Variants in CFAP46 observed in about 807,000 individuals in gnomAD.
The protein encoded by CFAP46 is cilia- and flagella-associated protein 46.
CFAP46 carries 245 observed loss-of-function variants against 325.7 expected under a neutral mutation model. The ratio of observed to expected loss-of-function variants is 0.75; its 90% CI spans 0.68 to 0.84. The LOEUF is 0.84. CFAP46 is among the 40% of genes least tolerant of loss of function. The pLI, the probability that CFAP46 is intolerant of heterozygous loss-of-function variation, is 0.00. For synonymous variants in CFAP46, 1,523 were observed against 1,495.9 expected (o/e 1.02, Z -0.42); for missense variants, 3,346 against 3,543.0 (o/e 0.94, Z 1.41).
chr10:132,810,350 A>G (rs1476623569), intron 57 of CFAP46, 59 bp downstream of exon 57: 26 of 1,442,056 alleles, frequency 1.8e-5, no homozygotes, highest in Non-Finnish European at 2.4e-5. Context: ...CACGTGCCCC[A>G]TGGGCAGTGG....
rs1849125853 is a variant in CFAP46, at chr10:132,886,028, C to T, written c.3305-69G>A. The T allele has an allele frequency of 6.6e-7, 1 of 1,522,982 alleles. No individual in the cohort carries two copies. Among genetic ancestry groups the T allele is most frequent in the African/African-American group, 1.4e-5 (1 of 72,584 alleles). 94.3% of individuals were successfully genotyped at this position (1,522,982 alleles called of 1,614,324 possible). On this transcript the variant is annotated intron_variant, in intron 25 of 57. Coordinates refer to ENST00000368586, the MANE Select transcript of CFAP46 (RefSeq NM_001200049.3). This position sits in a 1 kb window ranked among gnomAD's most constrained non-coding sequence, Gnocchi z 5.8. ...TCATCAAAGGCGCCCTCGGACCTCC[C>T]AGACTAAGCTGCCCATCACAGTGCC... is the stretch of plus-strand genomic sequence containing the variant.
intron 18 of CFAP46, 65 bp from the exon 19 acceptor site, chr10:132,912,885 G>C (rs1849575766): frequency 6.6e-7 from 1 of 1,526,604 alleles, no homozygotes; most frequent in Non-Finnish European, 8.8e-7. Context: ...CCCATGTGCT[G>C]AGTCCTCAGG....
intron 27 of CFAP46, among the ~76,000 whole-genome samples, chr10:132,883,516 C>T (rs557075601): frequency 5.3e-5 from 8 of 152,200 alleles, no homozygotes; most frequent in Non-Finnish European, 1.0e-4. Context: ...GCCCTGCAGG[C>T]GGGAAGGCAA....
chr10:132,840,754 ATTT>A (rs1848334292), intron 44 of CFAP46, among the ~76,000 whole-genome samples: 3 of 152,174 alleles, frequency 2.0e-5, no homozygotes, highest in African/African-American at 7.2e-5. Context: ...TCACAGGTCC[ATTT>A]TTGTTACTGA....
chr10:132,858,332 G>T, intron 38 of CFAP46, among the ~76,000 whole-genome samples: 1 of 134,360 alleles, frequency 7.4e-6, no homozygotes, highest in Non-Finnish European at 1.6e-5. Flanking sequence ...GGCTTTGCTG[G>T]GGGTGGCCCC....
intron 22 of CFAP46, among the ~76,000 whole-genome samples, chr10:132,902,663 G>A (rs1011834815): frequency 1.3e-5 from 2 of 152,182 alleles, no homozygotes; most frequent in Non-Finnish European, 2.9e-5. Flanking sequence ...TCCTGGTTAT[G>A]AGCCACATTT....
At chr10:132,818,938 C>T (rs989660628) in intron 50 of CFAP46, among the ~76,000 whole-genome samples, 3 of 151,396 alleles carry the variant, frequency 2.0e-5, no homozygotes, top group African/African-American at 4.8e-5. Context: ...AGATAACAAG[C>T]TCTTATATAT....
In CFAP46 at chr10:132,942,438, T is replaced by G; in HGVS notation, c.47A>C (p.Gln16Pro). 1 of 1,215,392 alleles carries G rather than the reference T, an allele frequency of 8.2e-7. No individual in the cohort carries two copies. The highest frequency in any genetic ancestry group is 1.0e-6 in the Non-Finnish European group (1 of 993,082). The allele number at this position is 1,215,392 out of a possible 1,614,324, so 75.3% of individuals were successfully genotyped here. A position where few individuals can be genotyped will look rare whatever the true frequency, so the allele number is the denominator to read the frequency against. Reference sequence around the variant, plus strand: ...GGTCGTGGCGGGCCTGGGGTCACCTTGCTGGCTCTCGGCGCGGGCCAGCTC... The same window carrying G: ...GGTCGTGGCGGGCCTGGGGTCACCTGGCTGGCTCTCGGCGCGGGCCAGCTC... ...TQELARAESQ[Q>P]DAASLKKAYE... is the part of the protein sequence containing the mutation. Residue 16 changes from glutamine (Q) to proline (P), a missense_variant and splice_region_variant, in exon 1 of 58, where the codon CAA becomes CCA. Physicochemically the swap from Gln to Pro is moderately conservative, Grantham distance 76 (BLOSUM62 -1). Transcript: ENST00000368586.
intron 8 of CFAP46, among the ~76,000 whole-genome samples, chr10:132,931,211 C>T (rs1371302148): frequency 9.0e-6 from 1 of 111,632 alleles, no homozygotes; most frequent in Non-Finnish European, 1.9e-5. Flanking sequence ...CCTGGGCCTT[C>T]CCCACACTCC....
Position 132,885,756 on chromosome 10 carries a change from C to CGGTGGGGGGAGCACTCAT in CFAP46, c.3443+64_3443+65insATGAGTGCTCCCCCCACC. The CGGTGGGGGGAGCACTCAT allele has an allele frequency of 3.3e-6, 4 of 1,209,514 alleles. No individual in the cohort carries two copies. In the South Asian group the frequency reaches 5.9e-5, roughly 18 times the overall value. The allele number at this position is 1,209,514 out of a possible 1,614,324, so 74.9% of individuals were successfully genotyped here. ...TCACAGGCGGTGTGGGGAGCACTCA[C>CGGTGGGGGGAGCACTCAT]AGGCGGTGGGGGGAGCACTCAGGCG... On this transcript the variant is annotated intron_variant, in intron 26 of 57. Coordinates refer to ENST00000368586, the MANE Select transcript of CFAP46 (RefSeq NM_001200049.3).
chr10:132,833,256 A>G, intron 50 of CFAP46, 102 bp downstream of exon 50: 7 of 1,169,246 alleles, frequency 6.0e-6, no homozygotes, highest in Non-Finnish European at 8.5e-6. Context: ...GCAACATTTG[A>G]TGATTATTTC....
chr10:132,892,005 C>T (rs192303154), intron 25 of CFAP46, among the ~76,000 whole-genome samples: 44 of 152,272 alleles, frequency 2.9e-4, no homozygotes, highest in African/African-American at 8.4e-4. Context: ...CTCAGGACCT[C>T]CAGGGGCTGT....
chr10:132,907,917 CGAT>C (rs1849479692), intron 22 of CFAP46, among the ~76,000 whole-genome samples: 1 of 152,252 alleles, frequency 6.6e-6, no homozygotes, highest in South Asian at 2.1e-4. Flanking sequence ...TGCCACACCT[CGAT>C]GGCACTTCCA....
chr10:132,847,040 G>A lies in CFAP46; in HGVS notation c.6159C>T (p.Ala2053=), dbSNP rs2135106098. Residue 2053 remains alanine (A), a synonymous_variant, in exon 43 of 58, where the codon GCC becomes GCT. Transcript: ENST00000368586. This position sits in a 1 kb window ranked among gnomAD's most constrained non-coding sequence, Gnocchi z 5.2. ...CGACATCCAGGAGGCCACTGCCAAG[G>A]GCCACCTGTAGGCACTGCAGCAGCA... ...SEVLLQCLQV[A]LGSGLLDVAA... 3.7e-6 allele frequency: 6 copies of A among 1,612,402 alleles called. No individual in the cohort carries two copies. Among genetic ancestry groups the A allele is most frequent in the Middle Eastern group, 1.8e-4 (1 of 5,648 alleles).
intron 31 of CFAP46, among the ~76,000 whole-genome samples, chr10:132,873,642 G>A (rs569402752): frequency 1.3e-5 from 2 of 152,206 alleles, no homozygotes; most frequent in South Asian, 4.2e-4. Flanking sequence ...TTCTTGAAGG[G>A]CTGCACCTCA....
At chr10:132,878,112 G>A (rs1202138762) in intron 29 of CFAP46, 25 bp from the exon 30 acceptor site, 2 of 1,548,932 alleles carry the variant, frequency 1.3e-6, no homozygotes, top group Non-Finnish European at 1.7e-6. Context: ...ATCCACATTT[G>A]CAGCACTGAA....
At position 132,828,037 on chromosome 10, in the gene CFAP46, G is replaced by A. The variant is rs78786855; in HGVS notation, c.7117+5321C>T. Among the ~76,000 whole-genome samples the A allele has an allele frequency of 3.8e-3, 581 of 152,240 alleles. 7 individuals are homozygous for A. In the South Asian group the frequency reaches 0.06, roughly 16 times the overall value. ...CACCAACAGCTCGCCCCTCATTGCCGGGCAGGACCCCACCACGTGGCCGCA... is the reference window on the plus strand; with the variant it reads ...CACCAACAGCTCGCCCCTCATTGCCAGGCAGGACCCCACCACGTGGCCGCA... On this transcript the variant is annotated intron_variant, in intron 50 of 57. Coordinates refer to ENST00000368586, the MANE Select transcript of CFAP46 (RefSeq NM_001200049.3). The surrounding 1 kb of genome is among the most constrained non-coding windows in gnomAD (Gnocchi z 4.9).
chr10:132,899,624 C>A lies in CFAP46; in HGVS notation c.2967G>T (p.Thr989=). The change falls in exon 23 of 58, where the codon ACG becomes ACT. Residue 989 remains threonine, a synonymous_variant. Transcript: ENST00000368586. ...RLVAEMLCTA[T]AIQGRSIMEN... ...CCATGATGCTCCTGCCCTGGATGGC[C>A]GTGGCTGTGCACAGCATCTCTGCCA... 1 of 1,550,254 alleles carries A rather than the reference C, an allele frequency of 6.5e-7. No individual in the cohort carries two copies. Among genetic ancestry groups the A allele is most frequent in the Non-Finnish European group, 8.7e-7 (1 of 1,146,938 alleles).
chr10:132,935,392 C>A (rs534370583), intron 7 of CFAP46, among the ~76,000 whole-genome samples: 38 of 142,752 alleles, frequency 2.7e-4, no homozygotes, highest in African/African-American at 8.5e-4. Context: ...GATCTCCTCA[C>A]TCCCCTCAGC....
Sources: gnomAD v4.1 joint callset for allele counts (sites outside exome capture counted in the v4.1 genomes callset) on GRCh38, gnomAD v4.1.1 for gene constraint, Gnocchi (gnomAD v3.1) non-coding constraint, MANE v1.5 for transcripts, NCBI Gene and HGNC (gene_info 2026-07-23, HGNC 2026-07-21) for gene names.